VOPP1: variants seen among roughly 807,000 people sequenced by gnomAD.
VOPP1 encodes the protein WW domain binding protein VOPP1.
VOPP1 carries 8 observed loss-of-function variants against 23.5 expected under a neutral mutation model. The observed-to-expected ratio is 0.34, with a 90% confidence interval of 0.20 to 0.61. VOPP1 has a LOEUF of 0.61. Among genes scored for constraint, VOPP1 ranks in the 20% least tolerant of loss-of-function variants. The pLI is 0.78. For missense variants in VOPP1, 174 were observed against 238.1 expected, an observed-to-expected ratio of 0.73 and a Z score of 1.77; for synonymous variants, 83 against 97.3, an observed-to-expected ratio of 0.85 and a Z score of 0.86.
intron 1 of VOPP1, among the ~76,000 whole-genome samples, chr7:55,564,193 G>A (rs1798078411): frequency 6.7e-6 from 1 of 149,848 alleles, no homozygotes; most frequent in South Asian, 2.1e-4. Context: ...CTAGGAACTA[G>A]GAGCTTCTTC....
intron 4 of VOPP1, among the ~76,000 whole-genome samples, chr7:55,441,274 A>G (rs113796976): frequency 0.01 from 1,523 of 152,256 alleles, 22 homozygotes; most frequent in African/African-American, 0.033. Flanking sequence ...GCCATGGCCT[A>G]TGGTACAACT....
chr7:55,563,667 C>T (rs1311885595), intron 1 of VOPP1, among the ~76,000 whole-genome samples: 1 of 152,114 alleles, frequency 6.6e-6, no homozygotes, highest in Non-Finnish European at 1.5e-5. Context: ...TAATTTTATA[C>T]AATATTTTTA....
intron 4 of VOPP1, among the ~76,000 whole-genome samples, chr7:55,480,553 T>C (rs748838570): frequency 6.6e-6 from 1 of 152,250 alleles, no homozygotes; most frequent in Non-Finnish European, 1.5e-5. Flanking sequence ...ATTTTTACAA[T>C]TAATTTGTAT....
chr7:55,484,271 T>C (rs1266288900), intron 4 of VOPP1, among the ~76,000 whole-genome samples: 1 of 152,238 alleles, frequency 6.6e-6, no homozygotes, highest in Non-Finnish European at 1.5e-5. Context: ...CAAGAGGAGC[T>C]ACTGTAGAGA....
At chr7:55,523,593 C>T (rs532475598) in intron 1 of VOPP1, among the ~76,000 whole-genome samples, 5 of 152,166 alleles carry the variant, frequency 3.3e-5, no homozygotes, top group Non-Finnish European at 5.9e-5. Flanking sequence ...AGAGCTTGCA[C>T]ACCAATGAGA....
At chr7:55,494,893 G>A (rs1421983687) in intron 3 of VOPP1, among the ~76,000 whole-genome samples, 1 of 152,176 alleles carries the variant, frequency 6.6e-6, no homozygotes, top group Non-Finnish European at 1.5e-5. Context: ...TGCAGTGCTG[G>A]GGGTACGGGC....
chr7:55,517,137 C>T (rs975186616), intron 2 of VOPP1, among the ~76,000 whole-genome samples: 49 of 150,376 alleles, frequency 3.3e-4, no homozygotes, highest in African/African-American at 1.1e-3. Context: ...TTAGTAGAGA[C>T]GGGGTTTCAC....
intron 1 of VOPP1, among the ~76,000 whole-genome samples, chr7:55,556,311 A>C (rs1797801338): frequency 6.6e-6 from 1 of 152,224 alleles, no homozygotes; most frequent in Non-Finnish European, 1.5e-5. Context: ...GGCCACAGTG[A>C]GCCTTGCCAG....
chr7:55,456,506 T>C (rs1791370450), intron 4 of VOPP1, among the ~76,000 whole-genome samples: 1 of 152,210 alleles, frequency 6.6e-6, no homozygotes, highest in African/African-American at 2.4e-5. Flanking sequence ...CACCTATGTT[T>C]ATTGCAGCAC....
chr7:55,561,783 T>C, intron 1 of VOPP1: 1 of 469,416 alleles, frequency 2.1e-6, no homozygotes. Context: ...AATTACAGTA[T>C]CTGAGCTCAG....
chr7:55,493,824 T>A (rs941431055), intron 3 of VOPP1, among the ~76,000 whole-genome samples: 5 of 152,272 alleles, frequency 3.3e-5, no homozygotes, highest in African/African-American at 1.2e-4. Context: ...ACTGTGTGTG[T>A]GATTGGGTAA....
chr7:55,520,000 C>T (rs4948029), intron 2 of VOPP1, among the ~76,000 whole-genome samples: 89,823 of 151,954 alleles, frequency 0.59, 28,402 homozygotes, highest in Admixed American at 0.69. Flanking sequence ...TGGTGGCACA[C>T]GCCTGTAATC....
intron 4 of VOPP1, among the ~76,000 whole-genome samples, chr7:55,450,240 T>TG (rs1189439573): frequency 6.6e-6 from 1 of 152,168 alleles, no homozygotes; most frequent in Non-Finnish European, 1.5e-5. Context: ...CTCCCCGACC[T>TG]GGGGGTGTTC....
intron 4 of VOPP1, among the ~76,000 whole-genome samples, chr7:55,490,976 C>A (rs748744796): frequency 3.3e-5 from 5 of 152,178 alleles, no homozygotes; most frequent in Non-Finnish European, 5.9e-5. Context: ...ACAGCCTGTT[C>A]TCAGGAAAAC....
intron 4 of VOPP1, among the ~76,000 whole-genome samples, chr7:55,454,735 G>A (rs766219542): frequency 6.6e-6 from 1 of 152,072 alleles, no homozygotes; most frequent in East Asian, 1.9e-4. Context: ...AAAGGTCTTC[G>A]ACAAAATTCA....
rs970142463 is a variant in VOPP1, at chr7:55,471,983, G to C, written c.*872C>G. On this transcript the variant is annotated 3_prime_UTR_variant, in exon 5 of 5. Coordinates refer to ENST00000285279, the MANE Select transcript of VOPP1 (RefSeq NM_030796.5). ...CCCCCGGGCCTGAGAATGCCCTGGA[G>C]AGGCAGTGATGTCCAGGGAAGACAC... 1.3e-5 allele frequency: 2 copies of C among 152,322 alleles called. No homozygotes were observed. Among genetic ancestry groups the C allele is most frequent in the Non-Finnish European group, 2.9e-5 (2 of 68,164 alleles). The allele number at this position is 152,322 out of a possible 1,614,324, so 9.4% of individuals were successfully genotyped here. A position where few individuals can be genotyped will look rare whatever the true frequency, so the allele number is the denominator to read the frequency against.
intron 2 of VOPP1, among the ~76,000 whole-genome samples, chr7:55,513,434 G>A (rs988125026): frequency 2.6e-5 from 4 of 152,150 alleles, no homozygotes; most frequent in African/African-American, 4.8e-5. Flanking sequence ...GGCAGTGTGT[G>A]AATTCCCTAT....
chr7:55,486,336 A>C (rs566922311), intron 4 of VOPP1, among the ~76,000 whole-genome samples: 2 of 152,344 alleles, frequency 1.3e-5, no homozygotes, highest in African/African-American at 4.8e-5. Context: ...AAATGCTTTC[A>C]CATGGATAAA....
rs531346501 is a variant in VOPP1, at chr7:55,511,984, A to G, written c.113+9088T>C. On this transcript the variant is annotated intron_variant, in intron 2 of 4. Transcript: ENST00000285279. Reference sequence around the variant, plus strand: ...ACAGACAAGGAACTGAGAACCTTCAATAGTTAAACAAAACAAAAACTCCTA... The same window carrying G: ...ACAGACAAGGAACTGAGAACCTTCAGTAGTTAAACAAAACAAAAACTCCTA... Among the ~76,000 whole-genome samples the G allele has an allele frequency of 2.0e-4, 31 of 152,354 alleles. No individual in the cohort carries two copies. In the South Asian group the frequency reaches 4.8e-3, roughly 23 times the overall value.
Sources: gnomAD v4.1 joint callset for allele counts (sites outside exome capture counted in the v4.1 genomes callset) on GRCh38, gnomAD v4.1.1 for gene constraint, MANE v1.5 for transcripts, NCBI Gene and HGNC (gene_info 2026-07-23, HGNC 2026-07-21) for gene names.